Variants in PAX1 observed in about 807,000 individuals in gnomAD.
PAX1 encodes the protein paired box protein Pax-1.
Under a neutral mutation model 35.6 loss-of-function variants are expected in PAX1, and 18 were observed. That is an observed-to-expected ratio of 0.50 (90% confidence interval 0.35 to 0.75). PAX1 has a LOEUF of 0.75. PAX1 is among the 30% of genes least tolerant of loss of function. The pLI is 0.01. For missense variants in PAX1, 760 were observed against 661.5 expected, an observed-to-expected ratio of 1.15 and a Z score of -1.63; for synonymous variants, 397 against 305.2, an observed-to-expected ratio of 1.30 and a Z score of -3.14.
In PAX1 at chr20:21,705,999, G is replaced by C; in HGVS notation, c.286+1G>C. 1 of 1,476,934 alleles carries C rather than the reference G, an allele frequency of 6.8e-7. No individual in the cohort carries two copies. The allele number at this position is 1,476,934 out of a possible 1,614,324, so 91.5% of individuals were successfully genotyped here. On this transcript the variant is annotated splice_donor_variant, in intron 1 of 4. Coordinates refer to ENST00000613128, the MANE Select transcript of PAX1 (RefSeq NM_001257096.2). LOFTEE classifies it high-confidence loss of function. Reference sequence around the variant, plus strand: ...CAGCTGGCCGGCCCGCTCGCTATGGGTAAGGGGCGGGCGACAGGCAGGGCT... The same window carrying C: ...CAGCTGGCCGGCCCGCTCGCTATGGCTAAGGGGCGGGCGACAGGCAGGGCT...
Position 21,716,800 on chromosome 20 carries a change from T to C in PAX1, c.*2238T>C, listed in dbSNP as rs1985385223. ...CCCCCATCCTCTCAGCCTGTCTCCT[T>C]GTGCTTAGATGAGCATTGCATGCTC... On this transcript the variant is annotated 3_prime_UTR_variant, in exon 5 of 5. Transcript: ENST00000613128. The C allele has an allele frequency of 1.3e-5, 2 of 152,252 alleles. No individual in the cohort carries two copies. The highest frequency in any genetic ancestry group is 4.1e-4 in the South Asian group (2 of 4,828). The allele number at this position is 152,252 out of a possible 1,614,324, so 9.4% of individuals were successfully genotyped here.
chr20:21,716,413 C>G lies in PAX1; in HGVS notation c.*1851C>G, dbSNP rs963599076. ...GTGGTAAACAGTTTTTGTTTCAACTCTTTTTGATAGTATCTGTTGAAGGTA... is the reference window on the plus strand; with the variant it reads ...GTGGTAAACAGTTTTTGTTTCAACTGTTTTTGATAGTATCTGTTGAAGGTA... On this transcript the variant is annotated 3_prime_UTR_variant, in exon 5 of 5. Transcript: ENST00000613128. 3 of 151,270 alleles carry G rather than the reference C, an allele frequency of 2.0e-5. No individual in the cohort carries two copies. Among genetic ancestry groups the G allele is most frequent in the African/African-American group, 7.3e-5 (3 of 41,108 alleles). The allele number at this position is 151,270 out of a possible 1,614,324, so 9.4% of individuals were successfully genotyped here.
In PAX1 at chr20:21,706,413, T is replaced by C. The variant is rs200420466; in HGVS notation, c.287-25T>C. 124 of 1,610,382 alleles carry C rather than the reference T, an allele frequency of 7.7e-5. No homozygotes were observed. The East Asian group carries it at 2.3e-3, about 30-fold the overall frequency. ...GCCGGGTGTTTTCTCCCCCTCCGGC[T>C]CACTCTTGTCTGGCGCATCCGCAGA... On this transcript the variant is annotated intron_variant, in intron 1 of 4. Coordinates refer to ENST00000613128, the MANE Select transcript of PAX1 (RefSeq NM_001257096.2). The surrounding 1 kb of genome is among the most constrained non-coding windows in gnomAD (Gnocchi z 5.3).
Position 21,709,344 on chromosome 20 carries a change from G to A in PAX1, c.1182G>A (p.Pro394=), listed in dbSNP as rs1985122188. The change falls in exon 4 of 5, where the codon CCG becomes CCA. Residue 394 remains proline, a synonymous_variant. Transcript: ENST00000613128. ...ACCTCGCCCCGGGCCCGCCGTGGCC[G>A]CCTGCGCAAGGTCCTCCTCTGGCGC... ...GGYLAPGPPW[P]PAQGPPLAPP... The A allele has an allele frequency of 6.3e-7, 1 of 1,598,162 alleles. No homozygotes were observed. The highest frequency in any genetic ancestry group is 8.5e-7 in the Non-Finnish European group (1 of 1,176,552).
At position 21,706,964 on chromosome 20, in the gene PAX1, C is replaced by T; in HGVS notation, c.813C>T (p.Pro271=). ...CGGGCGCCAAGATGGGCAGCCACCC[C>T]GGGGTCCCGGGCACGGCGGGCCACG... ...SPTGAKMGSH[P]GVPGTAGHVS... Residue 271 remains proline (P), a synonymous_variant, in exon 2 of 5, where the codon CCC becomes CCT. Coordinates refer to ENST00000613128, the MANE Select transcript of PAX1 (RefSeq NM_001257096.2). This position sits in a 1 kb window ranked among gnomAD's most constrained non-coding sequence, Gnocchi z 5.3. The T allele has an allele frequency of 1.9e-6, 3 of 1,612,564 alleles. No individual in the cohort carries two copies. Among genetic ancestry groups the T allele is most frequent in the Non-Finnish European group, 1.7e-6 (2 of 1,179,646 alleles).
Position 21,706,206 on chromosome 20 carries a change from A to G in PAX1, c.286+208A>G, listed in dbSNP as rs1568693267. 3 of 769,098 alleles carry G rather than the reference A, an allele frequency of 3.9e-6. No homozygotes were observed. The African/African-American group carries it at 5.1e-5, about 13-fold the overall frequency. The allele number at this position is 769,098 out of a possible 1,614,324, so 47.6% of individuals were successfully genotyped here. On this transcript the variant is annotated intron_variant, in intron 1 of 4. Transcript: ENST00000613128. The surrounding 1 kb of genome is among the most constrained non-coding windows in gnomAD (Gnocchi z 5.3). ...AAGTAGACGCGCTAAAAGTCGCGAAAGGGCACGGAGGGCTACAATGCGCCG... is the reference window on the plus strand; with the variant it reads ...AAGTAGACGCGCTAAAAGTCGCGAAGGGGCACGGAGGGCTACAATGCGCCG...
At position 21,706,697 on chromosome 20, in the gene PAX1, G is replaced by C; in HGVS notation, c.546G>C (p.Arg182=). 2 of 1,613,386 alleles carry C rather than the reference G, an allele frequency of 1.2e-6. No homozygotes were observed. Among genetic ancestry groups the C allele is most frequent in the Non-Finnish European group, 1.7e-6 (2 of 1,180,036 alleles). Residue 182 remains arginine (R), a synonymous_variant, in exon 2 of 5, where the codon CGG becomes CGC. Coordinates refer to ENST00000613128, the MANE Select transcript of PAX1 (RefSeq NM_001257096.2). The surrounding 1 kb of genome is among the most constrained non-coding windows in gnomAD (Gnocchi z 5.3). ...VTTPNVVKHI[R]DYKQGDPGIF... is the part of the protein sequence containing the mutation. ...CTCCCAACGTGGTCAAGCACATCCG[G>C]GACTACAAGCAAGGAGACCCTGGCA...
At position 21,715,272 on chromosome 20, in the gene PAX1, T is replaced by G. The variant is rs746987443; in HGVS notation, c.*710T>G. 1.6e-5 allele frequency: 3 copies of G among 191,408 alleles called. No individual in the cohort carries two copies. Among genetic ancestry groups the G allele is most frequent in the African/African-American group, 2.4e-5 (1 of 41,850 alleles). 11.9% of individuals were successfully genotyped at this position (191,408 alleles called of 1,614,324 possible). A position where few individuals can be genotyped will look rare whatever the true frequency, so the allele number is the denominator to read the frequency against. On this transcript the variant is annotated 3_prime_UTR_variant, in exon 5 of 5. Coordinates refer to ENST00000613128, the MANE Select transcript of PAX1 (RefSeq NM_001257096.2). ...CAGTCCCTTCTCTGGCACCTGGGAC[T>G]TTGTAGCCTTCACTCCTCTGAGCCC...
chr20:21,716,506 CTTTTTT>C lies in PAX1; in HGVS notation c.*1958_*1963del, dbSNP rs72279045. On this transcript the variant is annotated 3_prime_UTR_variant, in exon 5 of 5. Coordinates refer to ENST00000613128, the MANE Select transcript of PAX1 (RefSeq NM_001257096.2). ...TCTTCTCAGATTCAAAGTCTCTTGT[CTTTTTT>C]TTTTTTTTTTTTTAAAGTTTCACTT... The C allele has an allele frequency of 8.3e-6, 1 of 120,026 alleles. No individual in the cohort carries two copies. Among genetic ancestry groups the C allele is most frequent in the Non-Finnish European group, 1.8e-5 (1 of 54,144 alleles). 7.4% of individuals were successfully genotyped at this position (120,026 alleles called of 1,614,324 possible).
At position 21,709,409 on chromosome 20, in the gene PAX1, C is replaced by A. The variant is rs758771203; in HGVS notation, c.1247C>A (p.Ala416Glu). The A allele has an allele frequency of 1.0e-5, 16 of 1,543,938 alleles. No individual in the cohort carries two copies. In the East Asian group the frequency reaches 2.8e-4, roughly 27 times the overall value. ...AGVAVHGGEL[A>E]AAMTFKHPSR... is the part of the protein sequence containing the mutation. ...GTAGCTGTGCATGGCGGGGAACTCG[C>A]GGCAGCAATGACCTTCAAGCATCCC... Residue 416 changes from alanine to glutamate, a missense_variant, in exon 4 of 5, where the codon GCG becomes GAG. Physicochemically the swap from Ala to Glu is moderately radical, Grantham distance 107. Around this residue, in one of 3 missense-constraint regions of PAX1, gnomAD observed 490 missense variants for 428.4 expected, o/e 1.14. Transcript: ENST00000613128.
rs1487599044 is a variant in PAX1, at chr20:21,718,431, G to A, written c.*3869G>A. 6.6e-6 allele frequency: 1 copy of A among 152,170 alleles called. No homozygotes were observed. Among genetic ancestry groups the A allele is most frequent in the African/African-American group, 2.4e-5 (1 of 41,432 alleles). 9.4% of individuals were successfully genotyped at this position (152,170 alleles called of 1,614,324 possible). A position where few individuals can be genotyped will look rare whatever the true frequency, so the allele number is the denominator to read the frequency against. ...GAGACATGGAGGCAGAGGGGTGCGG[G>A]AAAACCTTGTGTGAAGAAATACTGG... is the stretch of plus-strand genomic sequence containing the variant. On this transcript the variant is annotated 3_prime_UTR_variant, in exon 5 of 5. Coordinates refer to ENST00000613128, the MANE Select transcript of PAX1 (RefSeq NM_001257096.2).
In PAX1 at chr20:21,714,716, C is replaced by A; in HGVS notation, c.*154C>A. The A allele has an allele frequency of 6.2e-7, 1 of 1,605,722 alleles. No individual in the cohort carries two copies. Among genetic ancestry groups the A allele is most frequent in the South Asian group, 1.1e-5 (1 of 91,076 alleles). On this transcript the variant is annotated 3_prime_UTR_variant, in exon 5 of 5. Coordinates refer to ENST00000613128, the MANE Select transcript of PAX1 (RefSeq NM_001257096.2). ...GCCCGCGGGGTGCACGCCCAGCCAGCCCCCAGGCCCAGCCCTGCCTCTGGC... is the reference window on the plus strand; with the variant it reads ...GCCCGCGGGGTGCACGCCCAGCCAGACCCCAGGCCCAGCCCTGCCTCTGGC...
chr20:21,714,627 G>A lies in PAX1; in HGVS notation c.*65G>A, dbSNP rs1432253307. ...GGCGGACCCGGGCGCACAGGTCTGC[G>A]CGGCGGCCCCGGCAATCGGCACGGG... On this transcript the variant is annotated 3_prime_UTR_variant, in exon 5 of 5. Coordinates refer to ENST00000613128, the MANE Select transcript of PAX1 (RefSeq NM_001257096.2). 1 of 1,564,148 alleles carries A rather than the reference G, an allele frequency of 6.4e-7. No homozygotes were observed. Among genetic ancestry groups the A allele is most frequent in the Non-Finnish European group, 8.6e-7 (1 of 1,158,288 alleles).
Position 21,714,573 on chromosome 20 carries a change from C to A in PAX1, c.*11C>A, listed in dbSNP as rs759082809. 5 of 1,582,282 alleles carry A rather than the reference C, an allele frequency of 3.2e-6. No homozygotes were observed. The African/African-American group carries it at 4.0e-5, about 13-fold the overall frequency. On this transcript the variant is annotated 3_prime_UTR_variant, in exon 5 of 5. Transcript: ENST00000613128. Reference sequence around the variant, plus strand: ...GCCTCGACCTCCTAGGGGCAGCTCTCCCCGGACCCGAGCCCGGAGGGAACG... The same window carrying A: ...GCCTCGACCTCCTAGGGGCAGCTCTACCCGGACCCGAGCCCGGAGGGAACG...
intron 4 of PAX1, among the ~76,000 whole-genome samples, chr20:21,713,376 TTTTTTTTGTGTGTG>T (rs1985257786): frequency 9.6e-6 from 1 of 103,800 alleles, no homozygotes; most frequent in African/African-American, 8.8e-5. Flanking sequence ...GTGTTTTCTT[TTTTTTTTGTGTGTG>T]TGTGTGTGTG....
At position 21,706,191 on chromosome 20, in the gene PAX1, G is replaced by C. The variant is rs1002383169; in HGVS notation, c.286+193G>C. 1 of 769,644 alleles carries C rather than the reference G, an allele frequency of 1.3e-6. No individual in the cohort carries two copies. The highest frequency in any genetic ancestry group is 2.0e-5 in the Admixed American group (1 of 50,074). 47.7% of individuals were successfully genotyped at this position (769,644 alleles called of 1,614,324 possible). ...GGAAGGGAGTGTTCCAAGTAGACGC[G>C]CTAAAAGTCGCGAAAGGGCACGGAG... On this transcript the variant is annotated intron_variant, in intron 1 of 4. Transcript: ENST00000613128. This position sits in a 1 kb window ranked among gnomAD's most constrained non-coding sequence, Gnocchi z 5.3.
chr20:21,716,520 T>C lies in PAX1; in HGVS notation c.*1958T>C, dbSNP rs1382289857. 2 of 151,858 alleles carry C rather than the reference T, an allele frequency of 1.3e-5. No individual in the cohort carries two copies. The highest frequency in any genetic ancestry group is 1.3e-4 in the Admixed American group (2 of 15,268). The allele number at this position is 151,858 out of a possible 1,614,324, so 9.4% of individuals were successfully genotyped here. The stretch of plus-strand genomic sequence containing the variant: ...AAGTCTCTTGTCTTTTTTTTTTTTT[T>C]TTTTTAAAGTTTCACTTTGTAGACA... On this transcript the variant is annotated 3_prime_UTR_variant, in exon 5 of 5. Transcript: ENST00000613128.
At position 21,705,830 on chromosome 20, in the gene PAX1, G is replaced by T. The variant is rs1482257923; in HGVS notation, c.118G>T (p.Val40Phe). ...CGCGCTCCGCTGCCGCGCACAGCGC[G>T]TCTCCAGCCCGCGGCTGGGCCGCCG... ...GSALRCRAQR[V>F]SSPRLGRRGS... The change falls in exon 1 of 5, where the codon GTC becomes TTC. Residue 40 changes from valine to phenylalanine, a missense_variant. Physicochemically the swap from Val to Phe is conservative, Grantham distance 50. Coordinates refer to ENST00000613128, the MANE Select transcript of PAX1 (RefSeq NM_001257096.2). 1 of 1,350,814 alleles carries T rather than the reference G, an allele frequency of 7.4e-7. No individual in the cohort carries two copies. The highest frequency in any genetic ancestry group is 1.5e-5 in the African/African-American group (1 of 65,190). The allele number at this position is 1,350,814 out of a possible 1,614,324, so 83.7% of individuals were successfully genotyped here.
At position 21,706,926 on chromosome 20, in the gene PAX1, C is replaced by T. The variant is rs1277587661; in HGVS notation, c.775C>T (p.Pro259Ser). ...NHIYQYPYPS[P>S]VSPTGAKMGS... ...CATCTACCAGTACCCCTACCCCAGT[C>T]CCGTGTCGCCCACGGGCGCCAAGAT... Residue 259 changes from proline (P) to serine (S), a missense_variant, in exon 2 of 5, where the codon CCC (proline) becomes TCC (serine). Physicochemically the swap from Pro to Ser is moderately conservative, Grantham distance 74 (BLOSUM62 -1). Coordinates refer to ENST00000613128, the MANE Select transcript of PAX1 (RefSeq NM_001257096.2). The surrounding 1 kb of genome is among the most constrained non-coding windows in gnomAD (Gnocchi z 5.3). The T allele has an allele frequency of 3.1e-6, 5 of 1,612,684 alleles. No individual in the cohort carries two copies. Among genetic ancestry groups the T allele is most frequent in the Non-Finnish European group, 4.2e-6 (5 of 1,179,646 alleles).
Sources: gnomAD v4.1 joint callset for allele counts (sites outside exome capture counted in the v4.1 genomes callset) on GRCh38, gnomAD v4.1.1 for gene constraint, gnomAD v4.1.1 regional missense constraint, Gnocchi (gnomAD v3.1) non-coding constraint, MANE v1.5 for transcripts, NCBI Gene and HGNC (gene_info 2026-07-23, HGNC 2026-07-21) for gene names.